Variants in KDM4B observed in about 807,000 individuals in gnomAD.
KDM4B encodes lysine demethylase 4B, also known as lysine-specific demethylase 4B.
A neutral mutation model predicts 125.2 loss-of-function variants in KDM4B; 32 were observed. The ratio of observed to expected loss-of-function variants is 0.26; its 90% CI spans 0.19 to 0.34. KDM4B has a LOEUF of 0.34. Ranked by LOEUF, KDM4B falls within the 10% of genes least tolerant of loss-of-function variation. KDM4B has a pLI of 1.00. For missense variants in KDM4B, 1,190 were observed against 1,577.7 expected, an observed-to-expected ratio of 0.75 and a Z score of 4.16; for synonymous variants, 721 against 677.9, an observed-to-expected ratio of 1.06 and a Z score of -0.99.
chr19:4,997,494 A>G lies in KDM4B; in HGVS notation c.-108-18763A>G, dbSNP rs1329310009. On this transcript the variant is annotated intron_variant, in intron 1 of 22. Coordinates refer to ENST00000159111, the MANE Select transcript of KDM4B (RefSeq NM_015015.3). The surrounding 1 kb of genome is among the most constrained non-coding windows in gnomAD (Gnocchi z 4.2). ...CCCAGCCGGCTGGGCCTGCGTACCC[A>G]GTGGGTGGCGCTCAGGTCTGCAGCT... 6.6e-6 allele frequency among the ~76,000 whole-genome samples: 1 copy of G among 151,998 alleles called. No homozygotes were observed. Among genetic ancestry groups the G allele is most frequent in the African/African-American group, 2.4e-5 (1 of 41,384 alleles).
intron 1 of KDM4B, among the ~76,000 whole-genome samples, chr19:4,972,637 G>A (rs530608565): frequency 3.3e-5 from 5 of 152,340 alleles, no homozygotes; most frequent in African/African-American, 1.2e-4. Context: ...TGTCAACCCC[G>A]CAGTGAGAAC....
intron 21 of KDM4B, among the ~76,000 whole-genome samples, chr19:5,149,866 A>G (rs2146121915): frequency 6.6e-6 from 1 of 152,350 alleles, no homozygotes; most frequent in African/African-American, 2.4e-5. Context: ...AGGGCCACAC[A>G]TAAGCCAGGG....
At chr19:5,041,877 G>A (rs941566269) in intron 5 of KDM4B, among the ~76,000 whole-genome samples, 11 of 152,246 alleles carry the variant, frequency 7.2e-5, no homozygotes, top group Admixed American at 1.3e-4. Context: ...CTGAGGCCAC[G>A]GCCAGCCTTG....
chr19:4,979,609 CAG>C (rs1037730632), intron 1 of KDM4B, among the ~76,000 whole-genome samples: 22 of 152,182 alleles, frequency 1.4e-4, no homozygotes, highest in African/African-American at 5.3e-4. Flanking sequence ...TCGAGGAGCT[CAG>C]AGTCTAGTTG....
At chr19:4,977,532 C>T (rs558967898) in intron 1 of KDM4B, among the ~76,000 whole-genome samples, 16 of 152,338 alleles carry the variant, frequency 1.1e-4, no homozygotes, top group East Asian at 1.9e-4. Context: ...CCTTCCGAGC[C>T]GCCGGCAGTG....
chr19:4,973,776 G>C (rs969711723), intron 1 of KDM4B, among the ~76,000 whole-genome samples: 37 of 149,852 alleles, frequency 2.5e-4, no homozygotes, highest in African/African-American at 8.9e-4. Flanking sequence ...TCTACCTCCT[G>C]CTTAGTTTTG....
chr19:5,090,023 G>A (rs1555711420), intron 9 of KDM4B, among the ~76,000 whole-genome samples: 9 of 152,112 alleles, frequency 5.9e-5, no homozygotes, highest in East Asian at 1.9e-4. Flanking sequence ...GGGGAAACAA[G>A]ACAAAAACAC....
chr19:5,020,641 C>G (rs2036086325), intron 2 of KDM4B, among the ~76,000 whole-genome samples: 3 of 152,200 alleles, frequency 2.0e-5, no homozygotes, highest in Admixed American at 2.0e-4. Context: ...CCCACTGCAG[C>G]TGCAAGTCGG....
chr19:5,135,305 G>T, intron 14 of KDM4B, 34 bp from the exon 15 acceptor site: 1 of 1,497,442 alleles, frequency 6.7e-7, no homozygotes, highest in Non-Finnish European at 9.3e-7. Context: ...CCCACACATG[G>T]CTCTGTCCCC....
chr19:5,093,609 C>T (rs147242714), intron 9 of KDM4B, among the ~76,000 whole-genome samples: 136 of 152,358 alleles, frequency 8.9e-4, no homozygotes, highest in Middle Eastern at 3.4e-3. Context: ...GAGCCATCAG[C>T]GCAGATGCGG....
At chr19:5,138,965 C>G (rs1048282050) in intron 18 of KDM4B, among the ~76,000 whole-genome samples, 1 of 152,220 alleles carries the variant, frequency 6.6e-6, no homozygotes, top group Non-Finnish European at 1.5e-5. Context: ...CTCTGTTACC[C>G]AGGCTGGAGT....
chr19:5,091,373 T>TG (rs1424796216), intron 9 of KDM4B, among the ~76,000 whole-genome samples: 10 of 152,194 alleles, frequency 6.6e-5, no homozygotes, highest in African/African-American at 2.4e-4. Context: ...AGGCCTGCTG[T>TG]GTGCCAGCCT....
At chr19:5,124,741 G>A (rs1048269217) in intron 11 of KDM4B, among the ~76,000 whole-genome samples, 1 of 151,854 alleles carries the variant, frequency 6.6e-6, no homozygotes, top group Non-Finnish European at 1.5e-5. Flanking sequence ...GATTACAGGC[G>A]CCCGCCACCA....
intron 6 of KDM4B, among the ~76,000 whole-genome samples, chr19:5,069,592 C>T (rs891349934): frequency 6.7e-6 from 1 of 149,104 alleles, no homozygotes; most frequent in Non-Finnish European, 1.5e-5. Context: ...AGACGTGAGC[C>T]ACTGCACCCG....
chr19:5,137,054 TTCTC>T (rs1420486204), intron 15 of KDM4B, among the ~76,000 whole-genome samples: 1 of 152,174 alleles, frequency 6.6e-6, no homozygotes, highest in African/African-American at 2.4e-5. Context: ...TTCCAGACCT[TTCTC>T]TCGCTCCACA....
chr19:5,044,700 G>A (rs1296562544), intron 5 of KDM4B, among the ~76,000 whole-genome samples: 3 of 151,926 alleles, frequency 2.0e-5, no homozygotes, highest in Non-Finnish European at 2.9e-5. Flanking sequence ...GTGTCACATG[G>A]AGTCATCCCA....
intron 6 of KDM4B, among the ~76,000 whole-genome samples, chr19:5,056,848 G>A (rs2037411393): frequency 6.9e-6 from 1 of 145,724 alleles, no homozygotes; most frequent in South Asian, 2.3e-4. Context: ...CCCTGGGGTG[G>A]GGACCCTGGG....
rs1361522464 is a variant in KDM4B, at chr19:5,110,713, A to AGGACCTCACGGTGCT, written c.1016_1030dup (p.Leu339_Asp343dup). On this transcript the variant is annotated inframe_insertion, in exon 10 of 23. Coordinates refer to ENST00000159111, the MANE Select transcript of KDM4B (RefSeq NM_015015.3). The stretch of plus-strand genomic sequence containing the variant: ...CGCTACGAGCTGTGGAAGCAGGGCA[A>AGGACCTCACGGTGCT]GGACCTCACGGTGCTGGACCACACG... 6.2e-7 allele frequency: 1 copy of AGGACCTCACGGTGCT among 1,612,934 alleles called. No homozygotes were observed. The highest frequency in any genetic ancestry group is 8.5e-7 in the Non-Finnish European group (1 of 1,179,864).
intron 7 of KDM4B, among the ~76,000 whole-genome samples, chr19:5,072,985 T>C (rs1218450215): frequency 6.6e-6 from 1 of 152,236 alleles, no homozygotes; most frequent in Non-Finnish European, 1.5e-5. Flanking sequence ...CCTCTGTCTC[T>C]GGTCTCCTCA....
Sources: allele counts gnomAD v4.1 joint callset (sites outside exome capture counted in the v4.1 genomes callset), GRCh38; gene constraint gnomAD v4.1.1; non-coding constraint Gnocchi (gnomAD v3.1); transcripts MANE v1.5; gene names NCBI Gene and HGNC (gene_info 2026-07-23, HGNC 2026-07-21).